The following PPM1H variants were observed in gnomAD, a reference collection of about 807,000 sequenced individuals.
PPM1H encodes protein phosphatase 1H.
Under a neutral mutation model 54.9 loss-of-function variants are expected in PPM1H, and 27 were observed. The observed-to-expected ratio is 0.49, with a 90% CI of 0.36 to 0.68. PPM1H has a LOEUF of 0.68. Ranked by LOEUF, PPM1H falls within the 30% of genes least tolerant of loss-of-function variation. The pLI, the probability that PPM1H is intolerant of heterozygous loss-of-function variation, is 0.00. For missense variants in PPM1H, 596 were observed against 667.8 expected, an observed-to-expected ratio of 0.89 and a Z score of 1.19; for synonymous variants, 305 against 270.8, an observed-to-expected ratio of 1.13 and a Z score of -1.24.
chr12:62,686,104 G>T (rs1210009547), intron 8 of PPM1H, among the ~76,000 whole-genome samples: 2 of 152,146 alleles, frequency 1.3e-5, no homozygotes, highest in South Asian at 4.1e-4. Flanking sequence ...CTACAAACCA[G>T]TATCATTCAG....
intron 9 of PPM1H, among the ~76,000 whole-genome samples, chr12:62,655,795 G>A (rs2075841085): frequency 6.6e-6 from 1 of 152,190 alleles, no homozygotes; most frequent in Admixed American, 6.5e-5. Flanking sequence ...TTAGACAACT[G>A]CGGAGGAGTT....
At chr12:62,856,874 A>C (rs1869409500) in intron 1 of PPM1H, among the ~76,000 whole-genome samples, 1 of 152,138 alleles carries the variant, frequency 6.6e-6, no homozygotes, top group Non-Finnish European at 1.5e-5. Flanking sequence ...CAAGAGCAGG[A>C]AAGATCCCTA....
At chr12:62,656,413 T>C (rs140645394) in intron 9 of PPM1H, among the ~76,000 whole-genome samples, 149 of 152,338 alleles carry the variant, frequency 9.8e-4, no homozygotes, top group Non-Finnish European at 1.7e-3. Flanking sequence ...TGTTCCTTAT[T>C]AGATATTAAA....
chr12:62,741,603 C>T (rs996610378), intron 4 of PPM1H, among the ~76,000 whole-genome samples: 1 of 152,188 alleles, frequency 6.6e-6, no homozygotes, highest in African/African-American at 2.4e-5. Context: ...CTTCTGTTGT[C>T]CTCCTGGCCT....
chr12:62,904,031 G>A (rs1325189740), intron 1 of PPM1H, among the ~76,000 whole-genome samples: 3 of 152,138 alleles, frequency 2.0e-5, no homozygotes, highest in South Asian at 2.1e-4. Context: ...ATAGAGAAAC[G>A]TAATACGAAG....
chr12:62,734,404 T>C (rs1487142184), intron 5 of PPM1H, among the ~76,000 whole-genome samples: 2 of 152,236 alleles, frequency 1.3e-5, no homozygotes, highest in Non-Finnish European at 2.9e-5. Flanking sequence ...CACAAAACAG[T>C]ACGGCATGTA....
Position 62,724,710 on chromosome 12 carries a change from T to A in PPM1H, c.955-4421A>T, listed in dbSNP as rs566440851. 3.9e-5 allele frequency among the ~76,000 whole-genome samples: 6 copies of A among 152,332 alleles called. No individual in the cohort carries two copies. In the East Asian group the frequency reaches 1.2e-3, roughly 29 times the overall value. ...GCCATTAGACGCACCATCATTTTAT[T>A]ACTTCCAGGAAGAAAAAAAGCAGCC... On this transcript the variant is annotated intron_variant, in intron 5 of 9. Transcript: ENST00000228705.
At chr12:62,707,031 A>G (rs898388367) in intron 6 of PPM1H, among the ~76,000 whole-genome samples, 26 of 152,138 alleles carry the variant, frequency 1.7e-4, no homozygotes, top group Admixed American at 3.9e-4. Context: ...TCAGACTCCA[A>G]ATTTTCATAC....
chr12:62,716,513 C>T (rs1320418357), intron 6 of PPM1H, among the ~76,000 whole-genome samples: 1 of 152,172 alleles, frequency 6.6e-6, no homozygotes, highest in Non-Finnish European at 1.5e-5. Flanking sequence ...AAGGATTAAA[C>T]AGCTTTGCAG....
At chr12:62,717,178 T>C (rs2076239430) in intron 6 of PPM1H, among the ~76,000 whole-genome samples, 1 of 152,206 alleles carries the variant, frequency 6.6e-6, no homozygotes, top group African/African-American at 2.4e-5. Flanking sequence ...CTGACAAAGA[T>C]GTAAAGGGCT....
intron 8 of PPM1H, among the ~76,000 whole-genome samples, chr12:62,687,781 G>C (rs2136635250): frequency 6.6e-6 from 1 of 152,236 alleles, no homozygotes; most frequent in African/African-American, 2.4e-5. Flanking sequence ...GGCCGAGGCA[G>C]GTGGATCACT....
Position 62,689,763 on chromosome 12 carries a change from T to C in PPM1H, c.1181A>G (p.Asp394Gly), listed in dbSNP as rs776489317. Reference sequence around the variant, plus strand: ...GGAGTCATGCACCTTCAGGTCATGGTCCCCAAGTCCCCTGGTCACTCCAAT... The same window carrying C: ...GGAGTCATGCACCTTCAGGTCATGGCCCCCAAGTCCCCTGGTCACTCCAAT... The part of the protein sequence containing the change: ...ATIGVTRGLG[D>G]HDLKVHDSNI... The change falls in exon 8 of 10, where the codon GAC (aspartate) becomes GGC (glycine). Residue 394 changes from aspartate to glycine, a missense_variant. Transcript: ENST00000228705. The C allele has an allele frequency of 6.2e-7, 1 of 1,613,722 alleles. No individual in the cohort carries two copies. Among genetic ancestry groups the C allele is most frequent in the Non-Finnish European group, 8.5e-7 (1 of 1,179,800 alleles).
At chr12:62,732,735 C>G (rs1407905167) in intron 5 of PPM1H, among the ~76,000 whole-genome samples, 5 of 152,010 alleles carry the variant, frequency 3.3e-5, no homozygotes. Flanking sequence ...CTACGCCCGG[C>G]TAATTTTTTT....
chr12:62,785,457 G>T (rs754706978), intron 4 of PPM1H, among the ~76,000 whole-genome samples: 7 of 152,222 alleles, frequency 4.6e-5, no homozygotes, highest in Non-Finnish European at 2.9e-5. Context: ...GATTATAGGC[G>T]TGAACCACCA....
At chr12:62,776,668 C>A (rs558158657) in intron 4 of PPM1H, among the ~76,000 whole-genome samples, 19 of 152,316 alleles carry the variant, frequency 1.2e-4, no homozygotes, top group African/African-American at 4.6e-4. Context: ...TGAGGGCCAG[C>A]ATTTCCAGAC....
chr12:62,802,256 T>C (rs2076775471), intron 2 of PPM1H, 96 bp from the exon 3 acceptor site: 1 of 981,354 alleles, frequency 1.0e-6, no homozygotes, highest in Non-Finnish European at 1.4e-6. Context: ...GAGGGTCCAC[T>C]TGGTTGTCTG....
At chr12:62,827,883 C>G (rs1868307873) in intron 2 of PPM1H, among the ~76,000 whole-genome samples, 1 of 152,140 alleles carries the variant, frequency 6.6e-6, no homozygotes, top group East Asian at 1.9e-4. Context: ...TTTCATCTGT[C>G]TCTGAAAACT....
At position 62,647,410 on chromosome 12, in the gene PPM1H, T is replaced by C. The variant is rs1203715603; in HGVS notation, c.*1079A>G. ...CCTTACACTTTGTTTGGAGTGGGCT[T>C]GGGGACAGTCACAAGCCATGAAACA... is the stretch of plus-strand genomic sequence containing the variant. On this transcript the variant is annotated 3_prime_UTR_variant, in exon 10 of 10. Transcript: ENST00000228705. 6.6e-6 allele frequency: 1 copy of C among 152,216 alleles called. No homozygotes were observed. The highest frequency in any genetic ancestry group is 2.4e-5 in the African/African-American group (1 of 41,468). 9.4% of individuals were successfully genotyped at this position (152,216 alleles called of 1,614,324 possible).
At chr12:62,893,622 A>C (rs923719645) in intron 1 of PPM1H, among the ~76,000 whole-genome samples, 6 of 151,678 alleles carry the variant, frequency 4.0e-5, no homozygotes, top group Non-Finnish European at 8.8e-5. Context: ...ATGCCTGGCT[A>C]ATATGTGTGT....
Sources: gnomAD v4.1 joint callset for allele counts (sites outside exome capture counted in the v4.1 genomes callset) on GRCh38, gnomAD v4.1.1 for gene constraint, MANE v1.5 for transcripts, NCBI Gene and HGNC (gene_info 2026-07-23, HGNC 2026-07-21) for gene names.